The following LINGO2 variants were observed in gnomAD, a reference collection of about 807,000 sequenced individuals.
The protein encoded by LINGO2 is leucine-rich repeat and immunoglobulin-like domain-containing nogo receptor-interacting protein 2.
In LINGO2, 14 loss-of-function variants were observed where a neutral mutation model predicts 30.6. The ratio of observed to expected loss-of-function variants is 0.46; its 90% CI spans 0.30 to 0.72. The LOEUF (loss-of-function observed/expected upper bound fraction) is 0.72. LINGO2 is among the 30% of genes least tolerant of loss of function. The probability of loss-of-function intolerance (pLI) is 0.07; values close to 1 mark genes in which losing one functional copy is unlikely to be tolerated. For missense variants in LINGO2, 729 were observed against 751.7 expected, an observed-to-expected ratio of 0.97 and a Z score of 0.35; for synonymous variants, 317 against 288.5, an observed-to-expected ratio of 1.10 and a Z score of -1.00.
At chr9:27,976,327 A>G (rs574704759) in intron 5 of LINGO2, among the ~76,000 whole-genome samples, 1 of 152,012 alleles carries the variant, frequency 6.6e-6, no homozygotes, top group East Asian at 1.9e-4. Context: ...GGCCCCCAAA[A>G]TCTGTGTTTT....
the LINGO2 span, among the ~76,000 whole-genome samples, chr9:29,110,383 A>G: frequency 6.6e-6 from 1 of 152,096 alleles, no homozygotes; most frequent in Non-Finnish European, 1.5e-5. Flanking sequence ...CCCAGGCTGG[A>G]GTGCAGTGAT....
intron 1 of LINGO2, among the ~76,000 whole-genome samples, chr9:28,634,626 C>G (rs1827170495): frequency 6.6e-6 from 1 of 151,758 alleles, no homozygotes; most frequent in African/African-American, 2.4e-5. Flanking sequence ...GCTGGGATTA[C>G]AGGTGTCTGT....
chr9:28,049,826 C>G (rs1301403084), intron 4 of LINGO2, among the ~76,000 whole-genome samples: 2 of 150,388 alleles, frequency 1.3e-5, no homozygotes, highest in African/African-American at 4.9e-5. Context: ...TTCATCAAGG[C>G]TAAAGCGGTT....
intron 5 of LINGO2, among the ~76,000 whole-genome samples, chr9:28,000,286 A>G (rs1356428036): frequency 1.3e-5 from 2 of 152,186 alleles, no homozygotes; most frequent in Non-Finnish European, 2.9e-5. Flanking sequence ...AAAGAACATT[A>G]TAAAGGATGC....
chr9:28,668,404 CG>C (rs1202084591), intron 1 of LINGO2, among the ~76,000 whole-genome samples: 1 of 151,864 alleles, frequency 6.6e-6, no homozygotes, highest in African/African-American at 2.4e-5. Flanking sequence ...CCTTAAACTT[CG>C]GTTAAAATAA....
intron 1 of LINGO2, among the ~76,000 whole-genome samples, chr9:28,524,046 A>G (rs1300339605): frequency 6.6e-6 from 1 of 152,196 alleles, no homozygotes; most frequent in Non-Finnish European, 1.5e-5. Flanking sequence ...TACAGAAATT[A>G]TAACAGTGTG....
chr9:28,041,485 T>C (rs114527053), intron 4 of LINGO2, among the ~76,000 whole-genome samples: 1,818 of 152,208 alleles, frequency 0.012, 47 homozygotes, highest in African/African-American at 0.042. Context: ...GGGTGCTGGG[T>C]ATGTGTGCGT....
chr9:28,825,931 A>C, the LINGO2 span, among the ~76,000 whole-genome samples: 1 of 152,162 alleles, frequency 6.6e-6, no homozygotes, highest in Admixed American at 6.6e-5. Flanking sequence ...TCATGGCATG[A>C]CCAGTCCATA....
chr9:29,146,737 C>T, the LINGO2 span, among the ~76,000 whole-genome samples: 1 of 152,004 alleles, frequency 6.6e-6, no homozygotes, highest in Non-Finnish European at 1.5e-5. Context: ...TGTAAGTTAC[C>T]ATGACTTTAT....
intron 3 of LINGO2, among the ~76,000 whole-genome samples, chr9:28,327,313 C>A (rs1366062991): frequency 6.6e-6 from 1 of 152,146 alleles, no homozygotes; most frequent in Non-Finnish European, 1.5e-5. Context: ...TACCATCATT[C>A]CCACCTCCAG....
chr9:28,627,552 T>C (rs555156183), intron 1 of LINGO2, among the ~76,000 whole-genome samples: 1 of 152,182 alleles, frequency 6.6e-6, no homozygotes, highest in South Asian at 2.1e-4. Context: ...AAGATCACTA[T>C]AGGTCTCATC....
At chr9:28,307,981 A>G (rs1451458156) in intron 3 of LINGO2, among the ~76,000 whole-genome samples, 1 of 151,784 alleles carries the variant, frequency 6.6e-6, no homozygotes, top group Non-Finnish European at 1.5e-5. Context: ...GGAAGAATCA[A>G]TATCGTGAAA....
chr9:28,767,121 G>C, the LINGO2 span, among the ~76,000 whole-genome samples: 5 of 152,186 alleles, frequency 3.3e-5, no homozygotes, highest in Non-Finnish European at 7.3e-5. Flanking sequence ...AGGTCAAAGA[G>C]TACAAACTTT....
chr9:28,904,975 A>C, the LINGO2 span, among the ~76,000 whole-genome samples: 1 of 152,012 alleles, frequency 6.6e-6, no homozygotes, highest in Admixed American at 6.6e-5. Flanking sequence ...AAATCCACGC[A>C]TTTATAGACA....
chr9:28,159,655 A>G (rs1052752976), intron 4 of LINGO2, among the ~76,000 whole-genome samples: 10 of 152,126 alleles, frequency 6.6e-5, no homozygotes, highest in Non-Finnish European at 1.0e-4. Flanking sequence ...AACAAAGACT[A>G]GTGTAGAAAT....
chr9:28,584,541 G>A (rs1001778485), intron 1 of LINGO2, among the ~76,000 whole-genome samples: 12 of 151,612 alleles, frequency 7.9e-5, no homozygotes, highest in Non-Finnish European at 1.8e-4. Flanking sequence ...AATATAGTAA[G>A]GAATTGACCA....
rs1279785343 is a variant in LINGO2 at position 27,981,551 on chromosome 9, G to GAA, written c.-36+30802_-36+30803dup. ...GAGGATGGCAAAAAAAAAAAAAAAAGAAAAAAAAGAAAAAAAAAGAAAAAA... is the reference window on the plus strand; with the variant it reads ...GAGGATGGCAAAAAAAAAAAAAAAAGAAAAAAAAAAGAAAAAAAAAGAAAAAA... On this transcript the variant is annotated intron_variant, in intron 5 of 5. Transcript: ENST00000379992. Among the ~76,000 whole-genome samples, 860 of 87,070 alleles carry GAA rather than the reference G, an allele frequency of 9.9e-3. 23 individuals are homozygous for GAA. Among genetic ancestry groups the GAA allele is most frequent in the African/African-American group, 0.034 (813 of 23,842 alleles). 57.1% of individuals were successfully genotyped at this position (87,070 alleles called of 152,430 possible).
the LINGO2 span, among the ~76,000 whole-genome samples, chr9:28,837,661 C>CATATATATATATATATATATAT: frequency 1.1e-5 from 1 of 89,404 alleles, no homozygotes; most frequent in Admixed American, 1.3e-4. Flanking sequence ...TATATATATA[C>CATATATATATATATATATATAT]ATATATATAT....
At chr9:28,590,273 A>G (rs1278748493) in intron 1 of LINGO2, among the ~76,000 whole-genome samples, 1 of 152,162 alleles carries the variant, frequency 6.6e-6, no homozygotes, top group East Asian at 1.9e-4. Flanking sequence ...AAACACCAAA[A>G]GCAATGGCAA....
Sources: gnomAD v4.1 joint callset for allele counts (sites outside exome capture counted in the v4.1 genomes callset) on GRCh38, gnomAD v4.1.1 for gene constraint, MANE v1.5 for transcripts, NCBI Gene and HGNC (gene_info 2026-07-23, HGNC 2026-07-21) for gene names.